Variants in ZRANB1 observed in about 807,000 individuals in gnomAD.
ZRANB1 encodes ubiquitin thioesterase ZRANB1.
Under a neutral mutation model 80.5 loss-of-function variants are expected in ZRANB1, and 16 were observed. That is an observed-to-expected ratio of 0.20 (90% CI 0.13 to 0.30). The LOEUF (loss-of-function observed/expected upper bound fraction) is 0.30. Ranked by LOEUF, ZRANB1 falls within the 10% of genes least tolerant of loss-of-function variation. The pLI, the probability that ZRANB1 is intolerant of heterozygous loss-of-function variation, is 1.00. For missense variants in ZRANB1, 576 were observed against 862.6 expected (o/e 0.67, Z 4.16); for synonymous variants, 291 against 293.1 (o/e 0.99, Z 0.07).
intron 1 of ZRANB1, among the ~76,000 whole-genome samples, chr10:124,943,715 C>T (rs535373320): frequency 2.6e-5 from 4 of 152,204 alleles, no homozygotes; most frequent in African/African-American, 9.6e-5. Flanking sequence ...GCAGTGGAAA[C>T]GTTTAAGTTA....
the ZRANB1 span, among the ~76,000 whole-genome samples, chr10:124,929,869 C>G: frequency 6.7e-6 from 1 of 148,932 alleles, no homozygotes; most frequent in Non-Finnish European, 1.5e-5. Flanking sequence ...TCACTTGAAC[C>G]TGGGAGGCAG....
At chr10:124,940,616 C>T, upstream of ZRANB1, 1 of 1,012,632 alleles carries the variant, frequency 9.9e-7, no homozygotes, top group African/African-American at 1.7e-5. Flanking sequence ...TTCTTCTTAG[C>T]AGAGTTCACA....
Position 124,985,007 on chromosome 10 carries a change from C to T in ZRANB1, c.*15C>T. The stretch of plus-strand genomic sequence containing the variant: ...AAGATGAATGAAAAAAAAAATCAAA[C>T]AGCAGAAGACCAAGGCATCAGATCT... On this transcript the variant is annotated 3_prime_UTR_variant, in exon 9 of 9. Coordinates refer to ENST00000359653, the MANE Select transcript of ZRANB1 (RefSeq NM_017580.3). 1.3e-6 allele frequency: 2 copies of T among 1,574,010 alleles called. No homozygotes were observed. The highest frequency in any genetic ancestry group is 1.4e-5 in the African/African-American group (1 of 73,864).
the ZRANB1 span, among the ~76,000 whole-genome samples, chr10:124,918,821 T>C: frequency 6.6e-6 from 1 of 152,260 alleles, no homozygotes; most frequent in African/African-American, 2.4e-5. Flanking sequence ...AGTCTCTTTA[T>C]ACTAAAATTT....
intron 3 of ZRANB1, among the ~76,000 whole-genome samples, chr10:124,972,491 A>G (rs2133985012): frequency 6.6e-6 from 1 of 152,264 alleles, no homozygotes; most frequent in African/African-American, 2.4e-5. Context: ...TTAGATAGCT[A>G]TATTGGTTAC....
the ZRANB1 span, among the ~76,000 whole-genome samples, chr10:124,932,767 T>C: frequency 6.6e-6 from 1 of 152,320 alleles, no homozygotes; most frequent in Non-Finnish European, 1.5e-5. Flanking sequence ...TTCACCATGT[T>C]GGCCAGGCTG....
At chr10:124,954,446 GT>G (rs1227693538) in intron 1 of ZRANB1, among the ~76,000 whole-genome samples, 305 of 123,598 alleles carry the variant, frequency 2.5e-3, no homozygotes, top group Non-Finnish European at 2.8e-3. Flanking sequence ...TACATTAAAA[GT>G]TTTTTTTTTT....
the ZRANB1 span, chr10:124,917,365 C>T: frequency 6.6e-6 from 1 of 150,814 alleles, no homozygotes; most frequent in Non-Finnish European, 1.5e-5. Context: ...GGCTGTCCGC[C>T]CGCCCGGCGC....
chr10:124,942,775 A>G lies in ZRANB1; in HGVS notation c.282A>G (p.Thr94=), dbSNP rs192702053. The change falls in exon 1 of 9, where the codon ACA becomes ACG. Residue 94 remains threonine (T), a synonymous_variant. Transcript: ENST00000359653. ...NANKWSCHMC[T]YLNWPRAIRC... ...ATAAGTGGTCATGCCACATGTGTAC[A>G]TATTTGAACTGGCCAAGAGCAATCA... 519 of 1,614,222 alleles carry G rather than the reference A, an allele frequency of 3.2e-4. 5 individuals carry two copies. The East Asian group carries it at 0.011, about 35-fold the overall frequency.
chr10:124,917,709 G>A, the ZRANB1 span, among the ~76,000 whole-genome samples: 8 of 152,282 alleles, frequency 5.3e-5, no homozygotes, highest in Admixed American at 5.2e-4. Context: ...CAGTCCCTCG[G>A]CCGCTTGCTT....
chr10:124,987,325 G>A lies in ZRANB1; in HGVS notation c.*2333G>A, dbSNP rs974556024. ...CTTTTTCTAGAGCAAACAGAGCGTG[G>A]CATTTTGTTTTGACTTGTTCTTCCT... On this transcript the variant is annotated 3_prime_UTR_variant, in exon 9 of 9. Transcript: ENST00000359653. 16 of 152,030 alleles carry A rather than the reference G, an allele frequency of 1.1e-4. No individual in the cohort carries two copies. Among genetic ancestry groups the A allele is most frequent in the Non-Finnish European group, 2.2e-4 (15 of 67,940 alleles). 9.4% of individuals were successfully genotyped at this position (152,030 alleles called of 1,614,324 possible).
chr10:124,917,237 AGGAGCAGGAGCT>A, the ZRANB1 span: 1 of 165,120 alleles, frequency 6.1e-6, no homozygotes, highest in African/African-American at 2.4e-5. Flanking sequence ...GACGGGGAGG[AGGAGCAGGAGCT>A]GGAGGAGGAG....
chr10:124,923,011 G>A, the ZRANB1 span, among the ~76,000 whole-genome samples: 4 of 152,034 alleles, frequency 2.6e-5, no homozygotes, highest in African/African-American at 9.7e-5. Flanking sequence ...ACTATCAGCC[G>A]GGCGCAGTGG....
chr10:124,978,708 C>T (rs1951903103), intron 5 of ZRANB1, among the ~76,000 whole-genome samples: 1 of 151,852 alleles, frequency 6.6e-6, no homozygotes, highest in South Asian at 2.1e-4. Context: ...TCACTGTAAC[C>T]TTATACCTTG....
intron 1 of ZRANB1, among the ~76,000 whole-genome samples, chr10:124,947,168 G>A (rs1234425634): frequency 6.6e-6 from 1 of 152,110 alleles, no homozygotes; most frequent in Non-Finnish European, 1.5e-5. Context: ...AGAGGATGTT[G>A]GGGACAGCTG....
At position 124,982,512 on chromosome 10, in the gene ZRANB1, G is replaced by T. The variant is rs372956482; in HGVS notation, c.1549-663G>T. Among the ~76,000 whole-genome samples, 37 of 152,206 alleles carry T rather than the reference G, an allele frequency of 2.4e-4. No individual in the cohort carries two copies. In the South Asian group the frequency reaches 7.3e-3, roughly 30 times the overall value. On this transcript the variant is annotated intron_variant, in intron 6 of 8. Transcript: ENST00000359653. Reference sequence around the variant, plus strand: ...TGTAGGGTTGTCCCTTAGACTCTTGGTTTCATGCTTTATTTTGTGAAGCAC... The same window carrying T: ...TGTAGGGTTGTCCCTTAGACTCTTGTTTTCATGCTTTATTTTGTGAAGCAC...
Position 124,985,960 on chromosome 10 carries a change from G to A in ZRANB1, c.*968G>A, listed in dbSNP as rs1952024158. ...GGGCATGCCTTTGCTTAGGCAGATTGGGAATACCAATTCACTACAGAATAA... is the reference window on the plus strand; with the variant it reads ...GGGCATGCCTTTGCTTAGGCAGATTAGGAATACCAATTCACTACAGAATAA... On this transcript the variant is annotated 3_prime_UTR_variant, in exon 9 of 9. Transcript: ENST00000359653. The A allele has an allele frequency of 6.6e-6, 1 of 152,170 alleles. No individual in the cohort carries two copies. Among genetic ancestry groups the A allele is most frequent in the Admixed American group, 6.5e-5 (1 of 15,270 alleles). The allele number at this position is 152,170 out of a possible 1,614,324, so 9.4% of individuals were successfully genotyped here. A position where few individuals can be genotyped will look rare whatever the true frequency, so the allele number is the denominator to read the frequency against.
chr10:124,922,281 A>AATATAT, the ZRANB1 span, among the ~76,000 whole-genome samples: 6 of 87,454 alleles, frequency 6.9e-5, no homozygotes, highest in African/African-American at 2.6e-4. Context: ...ATATATGTAA[A>AATATAT]ATATATATAT....
chr10:124,966,432 G>A (rs1458615715), intron 1 of ZRANB1, among the ~76,000 whole-genome samples, 162 bp from the exon 2 acceptor site: 2 of 152,058 alleles, frequency 1.3e-5, no homozygotes, highest in African/African-American at 2.4e-5. Context: ...TAAAGGGAAA[G>A]GAAAAAACTT....
Sources: allele counts gnomAD v4.1 joint callset (sites outside exome capture counted in the v4.1 genomes callset), GRCh38; gene constraint gnomAD v4.1.1; transcripts MANE v1.5; gene names NCBI Gene and HGNC (gene_info 2026-07-23, HGNC 2026-07-21).